The following MYO9A variants were observed in gnomAD, a reference collection of about 807,000 sequenced individuals.
MYO9A encodes the protein unconventional myosin-IXa.
Under a neutral mutation model 293.3 loss-of-function variants are expected in MYO9A, and 103 were observed. That is an observed-to-expected ratio of 0.35 (90% confidence interval 0.30 to 0.41). The LOEUF (loss-of-function observed/expected upper bound fraction) is 0.41, where lower values mean the gene tolerates loss of function less well. Ranked by LOEUF, MYO9A falls within the 10% of genes least tolerant of loss-of-function variation. The pLI is 1.00. For synonymous variants in MYO9A, 1,001 were observed against 1,035.7 expected (o/e 0.97, Z 0.64); for missense variants, 2,685 against 3,033.0 (o/e 0.89, Z 2.69).
intron 1 of MYO9A, among the ~76,000 whole-genome samples, chr15:72,092,704 A>G (rs1336239531): frequency 1.3e-5 from 2 of 152,226 alleles, no homozygotes; most frequent in Non-Finnish European, 2.9e-5. Flanking sequence ...TAAACCAGTG[A>G]GCATGGATGT....
chr15:71,869,082 T>C (rs2142014108), intron 32 of MYO9A, among the ~76,000 whole-genome samples: 1 of 152,230 alleles, frequency 6.6e-6, no homozygotes, highest in African/African-American at 2.4e-5. Flanking sequence ...AAAAAATCAC[T>C]ATTTAGCAAC....
intron 32 of MYO9A, among the ~76,000 whole-genome samples, chr15:71,874,559 G>C (rs1016583728): frequency 1.3e-5 from 2 of 152,224 alleles, no homozygotes; most frequent in Admixed American, 1.3e-4. Flanking sequence ...GTTCTGAGTA[G>C]AGAAAGGATA....
In MYO9A at chr15:72,046,544, C is replaced by T; in HGVS notation, c.20G>A (p.Gly7Glu). MNINDG[G>E]RRRFEDNEHT... ...TTCATTATCTTCAAAGCGTCGTCTT[C>T]CTCCATCATTTATATTCATATTGGA... is the stretch of plus-strand genomic sequence containing the variant. Residue 7 changes from glycine (G) to glutamate (E), a missense_variant, in exon 2 of 42, where the codon GGA (glycine) becomes GAA (glutamate). Transcript: ENST00000356056. The T allele has an allele frequency of 6.2e-7, 1 of 1,600,700 alleles. No homozygotes were observed. The highest frequency in any genetic ancestry group is 8.5e-7 in the Non-Finnish European group (1 of 1,172,592).
At chr15:71,879,209 C>T (rs1019805532) in intron 30 of MYO9A, among the ~76,000 whole-genome samples, 3 of 152,068 alleles carry the variant, frequency 2.0e-5, no homozygotes, top group African/African-American at 7.2e-5. Flanking sequence ...GCATTAATTG[C>T]ACACACCAAA....
chr15:71,848,755 C>CTGAT, intron 39 of MYO9A, 90 bp downstream of exon 39: 1 of 1,376,734 alleles, frequency 7.3e-7, no homozygotes, highest in Non-Finnish European at 9.6e-7. Context: ...AAAAAAGATT[C>CTGAT]TGATAATAAT....
chr15:71,928,209 C>G (rs188827022), intron 18 of MYO9A, among the ~76,000 whole-genome samples: 1,819 of 144,850 alleles, frequency 0.013, 58 homozygotes, highest in Admixed American at 0.058. Context: ...TCCCGAGTAG[C>G]TGGGACTACA....
At chr15:72,050,348 C>T (rs560731873) in intron 1 of MYO9A, among the ~76,000 whole-genome samples, 74 of 152,168 alleles carry the variant, frequency 4.9e-4, no homozygotes, top group Non-Finnish European at 1.0e-3. Flanking sequence ...GTGGCTCACA[C>T]CTGTAATCCC....
At chr15:71,841,879 T>C (rs1457297582) in intron 39 of MYO9A, among the ~76,000 whole-genome samples, 1 of 151,516 alleles carries the variant, frequency 6.6e-6, no homozygotes, top group Non-Finnish European at 1.5e-5. Context: ...ACTCCTGGGC[T>C]CAAGGATCCA....
intron 1 of MYO9A, among the ~76,000 whole-genome samples, chr15:72,065,370 C>A (rs1366904622): frequency 6.6e-6 from 1 of 151,812 alleles, no homozygotes; most frequent in African/African-American, 2.4e-5. Flanking sequence ...ACAAAATAAG[C>A]CAGGAGTGGT....
At chr15:72,021,964 A>T (rs1031640864) in intron 4 of MYO9A, among the ~76,000 whole-genome samples, 2 of 152,188 alleles carry the variant, frequency 1.3e-5, no homozygotes, top group South Asian at 4.1e-4. Flanking sequence ...ATGGAACAAT[A>T]TACATAGAGA....
intron 1 of MYO9A, among the ~76,000 whole-genome samples, chr15:72,092,054 T>TA (rs1409270080): frequency 6.6e-6 from 1 of 152,142 alleles, no homozygotes; most frequent in African/African-American, 2.4e-5. Flanking sequence ...GAGCTAATGT[T>TA]AAAGAATTAT....
intron 8 of MYO9A, among the ~76,000 whole-genome samples, chr15:72,003,864 C>T (rs970937911): frequency 1.3e-5 from 2 of 152,118 alleles, no homozygotes; most frequent in African/African-American, 4.8e-5. Context: ...AATACAGTTG[C>T]TCATAAGGCT....
In MYO9A at chr15:72,010,461, A is replaced by G. The variant is rs1214270758; in HGVS notation, c.1156-14T>C. On this transcript the variant is annotated splice_polypyrimidine_tract_variant and intron_variant, in intron 6 of 41. Transcript: ENST00000356056. The stretch of plus-strand genomic sequence containing the variant: ...CGTGAAGCAATCCTGCTTATTTAAA[A>G]TAAAAGTTTAAAAATCAAGATTATA... 1.2e-6 allele frequency: 2 copies of G among 1,600,396 alleles called. No individual in the cohort carries two copies. The highest frequency in any genetic ancestry group is 1.7e-6 in the Non-Finnish European group (2 of 1,170,376).
Position 71,883,675 on chromosome 15 carries a change from T to C in MYO9A, c.5317A>G (p.Arg1773Gly). Residue 1773 changes from arginine to glycine, a missense_variant, in exon 28 of 42, where the codon AGA (arginine) becomes GGA (glycine). By Grantham distance (125) the Arg-to-Gly change is moderately radical. This residue lies in a region of MYO9A where 1,434 missense variants were observed against 1,497.7 expected (regional missense o/e 0.96). Coordinates refer to ENST00000356056, the MANE Select transcript of MYO9A (RefSeq NM_006901.4). The part of the protein sequence containing the change: ...KGKQGEKKTT[R>G]VKPTTQSEVS... The stretch of plus-strand genomic sequence containing the variant: ...TCTGACTGGGTAGTAGGTTTCACTC[T>C]GGTAGTCTTCTTCTCCCCTTGTTTC... The C allele has an allele frequency of 6.2e-7, 1 of 1,613,622 alleles. No homozygotes were observed. Among genetic ancestry groups the C allele is most frequent in the South Asian group, 1.1e-5 (1 of 91,058 alleles).
chr15:71,933,407 C>G (rs762253700), intron 18 of MYO9A, among the ~76,000 whole-genome samples: 1 of 152,006 alleles, frequency 6.6e-6, no homozygotes, highest in African/African-American at 2.4e-5. Context: ...CATAAAGAGG[C>G]AATAACTAAA....
At chr15:71,909,682 A>G (rs888228431) in intron 19 of MYO9A, among the ~76,000 whole-genome samples, 4 of 152,206 alleles carry the variant, frequency 2.6e-5, no homozygotes, top group Non-Finnish European at 5.9e-5. Context: ...CTAACTTGTC[A>G]CAGTCTACTT....
At chr15:72,013,979 T>C (rs560886955) in intron 6 of MYO9A, among the ~76,000 whole-genome samples, 22 of 152,304 alleles carry the variant, frequency 1.4e-4, no homozygotes, top group African/African-American at 5.1e-4. Context: ...CTGATTTTTA[T>C]ATTTTTTTGG....
chr15:72,058,133 C>T (rs1051883029), intron 1 of MYO9A, among the ~76,000 whole-genome samples: 1 of 152,140 alleles, frequency 6.6e-6, no homozygotes, highest in East Asian at 1.9e-4. Flanking sequence ...TAAGGCAGTA[C>T]CCCCTGACAT....
At chr15:72,018,475 T>C (rs113899145) in intron 6 of MYO9A, among the ~76,000 whole-genome samples, 2,924 of 151,902 alleles carry the variant, frequency 0.019, 84 homozygotes, top group African/African-American at 0.061. Flanking sequence ...AAATAAATAT[T>C]TAAAAAAAAC....
Sources: allele counts gnomAD v4.1 joint callset (sites outside exome capture counted in the v4.1 genomes callset), GRCh38; gene constraint gnomAD v4.1.1; regional missense constraint gnomAD v4.1.1; transcripts MANE v1.5; gene names NCBI Gene and HGNC (gene_info 2026-07-23, HGNC 2026-07-21).